Variants in HTR5A observed in about 807,000 individuals in gnomAD.
HTR5A encodes 5-HT-5.
HTR5A carries 21 observed loss-of-function variants against 24.3 expected under a neutral mutation model. That is an observed-to-expected ratio of 0.86 (90% confidence interval 0.61 to 1.24). HTR5A has a LOEUF of 1.24. HTR5A is among the 50% of genes most tolerant of loss of function. HTR5A has a pLI of 0.00. For missense variants in HTR5A, 497 were observed against 489.5 expected (o/e 1.02, Z -0.15); for synonymous variants, 260 against 213.7 (o/e 1.22, Z -1.89).
At chr7:155,071,885 G>T (rs1029700853) in intron 1 of HTR5A, among the ~76,000 whole-genome samples, 2 of 152,142 alleles carry the variant, frequency 1.3e-5, no homozygotes, top group African/African-American at 4.8e-5. Flanking sequence ...TACAGAACAC[G>T]AGGAGTTCAG....
intron 1 of HTR5A, among the ~76,000 whole-genome samples, 163 bp from the exon 2 acceptor site, chr7:155,083,992 C>G (rs907700915): frequency 2.6e-5 from 4 of 152,166 alleles, no homozygotes; most frequent in African/African-American, 9.7e-5. Flanking sequence ...TGCCTGGTTT[C>G]CATATCTGAG....
In HTR5A at chr7:155,085,474, T is replaced by C. The variant is rs1479840435; in HGVS notation, c.*987T>C. On this transcript the variant is annotated 3_prime_UTR_variant, in exon 2 of 2. Coordinates refer to ENST00000287907, the MANE Select transcript of HTR5A (RefSeq NM_024012.4). Reference sequence around the variant, plus strand: ...CCTTGATTAATTTGCTAATTGCTATTTTTTGTTGGTATGTGAATTCCTGCT... The same window carrying C: ...CCTTGATTAATTTGCTAATTGCTATCTTTTGTTGGTATGTGAATTCCTGCT... 6.6e-6 allele frequency: 1 copy of C among 152,186 alleles called. No individual in the cohort carries two copies. Among genetic ancestry groups the C allele is most frequent in the African/African-American group, 2.4e-5 (1 of 41,436 alleles). 9.4% of individuals were successfully genotyped at this position (152,186 alleles called of 1,614,324 possible). A position where few individuals can be genotyped will look rare whatever the true frequency, so the allele number is the denominator to read the frequency against.
rs1795487139 is a variant in HTR5A at position 155,087,234 on chromosome 7, A to G, written c.*2747A>G. 6.6e-6 allele frequency among the ~76,000 whole-genome samples: 1 copy of G among 152,168 alleles called. No individual in the cohort carries two copies. The highest frequency in any genetic ancestry group is 1.5e-5 in the Non-Finnish European group (1 of 68,010). On this transcript the variant is annotated 3_prime_UTR_variant, in exon 2 of 2. Coordinates refer to ENST00000287907, the MANE Select transcript of HTR5A (RefSeq NM_024012.4). The stretch of plus-strand genomic sequence containing the variant: ...GTAGGGATTAATTCTTGATAAAAAA[A>G]AAGCTTGTTATTTCTCTCTTCTTTT...
intron 1 of HTR5A, 72 bp from the exon 2 acceptor site, chr7:155,084,083 G>T: frequency 1.6e-6 from 2 of 1,265,744 alleles, no homozygotes; most frequent in Non-Finnish European, 2.2e-6. Flanking sequence ...ATCCAGGCCT[G>T]TCAGTGTCCA....
At chr7:155,080,586 T>C (rs1275794048) in intron 1 of HTR5A, among the ~76,000 whole-genome samples, 1 of 152,168 alleles carries the variant, frequency 6.6e-6, no homozygotes, top group Non-Finnish European at 1.5e-5. Context: ...GCTCAGAGTC[T>C]GAGATAGAAA....
In HTR5A at chr7:155,070,875, C is replaced by A; in HGVS notation, c.-25C>A. The A allele has an allele frequency of 2.5e-6, 4 of 1,581,140 alleles. No homozygotes were observed. The highest frequency in any genetic ancestry group is 3.4e-6 in the Non-Finnish European group (4 of 1,168,234). ...TCCTGAACACCCCTTCTGCAAGTAC[C>A]CCAGGGCGGTCTCCTGACCCAGAGA... On this transcript the variant is annotated 5_prime_UTR_variant, in exon 1 of 2. Transcript: ENST00000287907.
At chr7:155,072,957 A>G (rs1018920679) in intron 1 of HTR5A, among the ~76,000 whole-genome samples, 5 of 152,124 alleles carry the variant, frequency 3.3e-5, no homozygotes, top group African/African-American at 1.2e-4. Context: ...TACCTATATC[A>G]GCATTTCTCA....
chr7:155,080,008 G>A (rs1021965597), intron 1 of HTR5A, among the ~76,000 whole-genome samples: 7 of 152,172 alleles, frequency 4.6e-5, no homozygotes, highest in Admixed American at 3.3e-4. Context: ...CAAATCATTA[G>A]CCCTCAGGTC....
chr7:155,073,244 C>T (rs1163091669), intron 1 of HTR5A, among the ~76,000 whole-genome samples: 2 of 146,866 alleles, frequency 1.4e-5, no homozygotes, highest in Admixed American at 1.4e-4. Context: ...CGGAGTGAAC[C>T]CGGGAGGCGG....
At chr7:155,073,651 C>A (rs546049252) in intron 1 of HTR5A, among the ~76,000 whole-genome samples, 13 of 151,776 alleles carry the variant, frequency 8.6e-5, no homozygotes, top group Admixed American at 3.3e-4. Flanking sequence ...TTCCTCTCCC[C>A]TGATGTTTAT....
intron 1 of HTR5A, among the ~76,000 whole-genome samples, chr7:155,077,445 T>C (rs1485197577): frequency 6.8e-6 from 1 of 146,520 alleles, no homozygotes; most frequent in Admixed American, 7.2e-5. Flanking sequence ...GTATAACCTA[T>C]AACCAATAGG....
intron 1 of HTR5A, among the ~76,000 whole-genome samples, chr7:155,079,751 G>A (rs1287756735): frequency 6.6e-6 from 1 of 152,310 alleles, no homozygotes. Context: ...TGAGGAAGAG[G>A]CAACTGTGGT....
intron 1 of HTR5A, among the ~76,000 whole-genome samples, chr7:155,072,540 C>A (rs1047198056): frequency 6.6e-6 from 1 of 152,170 alleles, no homozygotes; most frequent in East Asian, 1.9e-4. Context: ...TCTGACCCTA[C>A]GACTCATGAT....
In HTR5A at chr7:155,087,196, A is replaced by G. The variant is rs1795486344; in HGVS notation, c.*2709A>G. 6.7e-6 allele frequency among the ~76,000 whole-genome samples: 1 copy of G among 150,108 alleles called. No individual in the cohort carries two copies. Among genetic ancestry groups the G allele is most frequent in the Admixed American group, 6.7e-5 (1 of 14,950 alleles). The stretch of plus-strand genomic sequence containing the variant: ...AAGATGTCCCTGAGTCTGTATTGAC[A>G]TCAGACCATATTGTAGGGATTAATT... On this transcript the variant is annotated 3_prime_UTR_variant, in exon 2 of 2. Transcript: ENST00000287907.
At position 155,070,673 on chromosome 7, in the gene HTR5A, G is replaced by C. The variant is rs1795278530; in HGVS notation, c.-227G>C. The C allele has an allele frequency of 3.5e-6, 2 of 569,588 alleles. No individual in the cohort carries two copies. Among genetic ancestry groups the C allele is most frequent in the Admixed American group, 6.2e-5 (2 of 32,240 alleles). 35.3% of individuals were successfully genotyped at this position (569,588 alleles called of 1,614,324 possible). A position where few individuals can be genotyped will look rare whatever the true frequency, so the allele number is the denominator to read the frequency against. On this transcript the variant is annotated 5_prime_UTR_variant, in exon 1 of 2. Coordinates refer to ENST00000287907, the MANE Select transcript of HTR5A (RefSeq NM_024012.4). ...CTGCGACACGCAGCCCCTCGCCTCT[G>C]CTTCCTTAGCCTCTGAGGGCTTCAG...
rs3832466 is a variant in HTR5A, at chr7:155,087,227, TAA to T, written c.*2748_*2749del. 7.2e-5 allele frequency among the ~76,000 whole-genome samples: 11 copies of T among 151,790 alleles called. No homozygotes were observed. The highest frequency in any genetic ancestry group is 2.2e-4 in the African/African-American group (9 of 41,330). On this transcript the variant is annotated 3_prime_UTR_variant, in exon 2 of 2. Coordinates refer to ENST00000287907, the MANE Select transcript of HTR5A (RefSeq NM_024012.4). ...CCATATTGTAGGGATTAATTCTTGA[TAA>T]AAAAAAAGCTTGTTATTTCTCTCTT...
rs1259340715 is a variant in HTR5A, at chr7:155,086,227, T to C, written c.*1740T>C. On this transcript the variant is annotated 3_prime_UTR_variant, in exon 2 of 2. Coordinates refer to ENST00000287907, the MANE Select transcript of HTR5A (RefSeq NM_024012.4). ...GAAGTGTTTGAAAAACCTTATTAAG[T>C]ACCCCATGGCAGAGAAGAAAAATTC... Among the ~76,000 whole-genome samples the C allele has an allele frequency of 6.6e-6, 1 of 152,222 alleles. No homozygotes were observed. Among genetic ancestry groups the C allele is most frequent in the Non-Finnish European group, 1.5e-5 (1 of 68,034 alleles).
intron 1 of HTR5A, 116 bp downstream of exon 1, chr7:155,071,756 T>A: frequency 2.7e-6 from 3 of 1,114,034 alleles, no homozygotes; most frequent in East Asian, 2.4e-5. Flanking sequence ...TGTTTGGGAG[T>A]GGGGGGAGTA....
chr7:155,071,026 A>T lies in HTR5A; in HGVS notation c.127A>T (p.Ile43Phe), dbSNP rs150221112. The change falls in exon 1 of 2, where the codon ATT becomes TTT. Residue 43 changes from isoleucine (I) to phenylalanine (F), a missense_variant. Physicochemically the swap from Ile to Phe is conservative, Grantham distance 21. Transcript: ENST00000287907. The part of the protein sequence containing the change: ...SPLLSVFGVL[I>F]LTLLGFLVAA... ...CCTGCTCTCGGTCTTCGGAGTGCTT[A>T]TTCTCACCTTGCTGGGCTTTCTGGT... 12 of 1,611,310 alleles carry T rather than the reference A, an allele frequency of 7.4e-6. No homozygotes were observed. The highest frequency in any genetic ancestry group is 1.0e-5 in the Non-Finnish European group (12 of 1,180,016).
Sources: allele counts gnomAD v4.1 joint callset (sites outside exome capture counted in the v4.1 genomes callset), GRCh38; gene constraint gnomAD v4.1.1; transcripts MANE v1.5; gene names NCBI Gene and HGNC (gene_info 2026-07-23, HGNC 2026-07-21).